FBXO11: variants seen among roughly 807,000 people sequenced by gnomAD.
FBXO11 encodes F-box protein 11, also known as F-box only protein 11.
FBXO11 carries 13 observed loss-of-function variants against 117.0 expected under a neutral mutation model. The ratio of observed to expected loss-of-function variants is 0.11; its 90% CI spans 0.07 to 0.18. The LOEUF is 0.18. FBXO11 is among the 10% of genes least tolerant of loss of function. FBXO11 has a pLI of 1.00. For synonymous variants in FBXO11, 490 were observed against 380.5 expected (o/e 1.29, Z -3.35); for missense variants, 767 against 1,164.4 (o/e 0.66, Z 4.97).
intron 1 of FBXO11, among the ~76,000 whole-genome samples, chr2:47,868,420 G>GA (rs1675363108): frequency 6.6e-6 from 1 of 151,850 alleles, no homozygotes; most frequent in Non-Finnish European, 1.5e-5. Flanking sequence ...TCACTGTCAT[G>GA]AATGCTTGCT....
chr2:47,866,133 C>T (rs1675175779), intron 1 of FBXO11, among the ~76,000 whole-genome samples: 1 of 150,938 alleles, frequency 6.6e-6, no homozygotes, highest in African/African-American at 2.4e-5. Context: ...ACTGTAGCAG[C>T]TACTTGAAAG....
intron 1 of FBXO11, chr2:47,888,723 G>GT (rs1677048044): frequency 1.1e-6 from 1 of 946,490 alleles, no homozygotes; most frequent in Non-Finnish European, 1.3e-6. Flanking sequence ...CTATGATACA[G>GT]TATCATGTGT....
intron 1 of FBXO11, among the ~76,000 whole-genome samples, chr2:47,866,807 A>G (rs1347926278): frequency 6.6e-6 from 1 of 152,138 alleles, no homozygotes; most frequent in Admixed American, 6.5e-5. Flanking sequence ...TTTCAGCTGC[A>G]TGTCACTTTG....
At position 47,823,253 on chromosome 2, in the gene FBXO11, A is replaced by T; in HGVS notation, c.1506T>A (p.Thr502=). The T allele has an allele frequency of 1.2e-6, 2 of 1,613,952 alleles. No individual in the cohort carries two copies. The highest frequency in any genetic ancestry group is 1.7e-6 in the Non-Finnish European group (2 of 1,179,882). Residue 502 remains threonine (T), a synonymous_variant, in exon 12 of 23, where the codon ACT becomes ACA. Coordinates refer to ENST00000403359, the MANE Select transcript of FBXO11 (RefSeq NM_001190274.2). ...VVRCEIHHGQ[T]GGIYVHEKGR... ...CTTTTTCATGGACATATATTCCTCC[A>T]GTCTGCCCATGGTGAATTTCACATC...
chr2:47,846,670 A>C (rs1168694408), intron 1 of FBXO11, among the ~76,000 whole-genome samples: 2 of 152,172 alleles, frequency 1.3e-5, no homozygotes, highest in African/African-American at 2.4e-5. Flanking sequence ...CAATCCACAT[A>C]TGTAATTTAG....
intron 1 of FBXO11, among the ~76,000 whole-genome samples, chr2:47,887,285 C>CA (rs1201052595): frequency 2.2e-3 from 123 of 57,180 alleles, no homozygotes; most frequent in African/African-American, 5.8e-3. Context: ...AACTCCGTTT[C>CA]AAAAAAAAAA....
At chr2:47,814,532 C>G (rs1670877335) in intron 16 of FBXO11, among the ~76,000 whole-genome samples, 1 of 152,060 alleles carries the variant, frequency 6.6e-6, no homozygotes, top group Admixed American at 6.6e-5. Flanking sequence ...GTGCACACCA[C>G]CATGCCCAGT....
At chr2:47,835,646 C>CAT (rs1558426680) in intron 5 of FBXO11, among the ~76,000 whole-genome samples, 2 of 151,980 alleles carry the variant, frequency 1.3e-5, no homozygotes, top group East Asian at 3.9e-4. Flanking sequence ...TACAGGTGTG[C>CAT]GCCACCATGT....
chr2:47,863,380 C>T (rs1170885895), intron 1 of FBXO11, among the ~76,000 whole-genome samples: 35 of 152,168 alleles, frequency 2.3e-4, no homozygotes, highest in Admixed American at 2.3e-3. Flanking sequence ...TTAATGTCTA[C>T]AAGTGCTCTT....
Position 47,809,659 on chromosome 2 carries a change from A to C in FBXO11, c.2387T>G (p.Ile796Ser). 1 of 1,613,684 alleles carries C rather than the reference A, an allele frequency of 6.2e-7. No homozygotes were observed. Among genetic ancestry groups the C allele is most frequent in the Non-Finnish European group, 8.5e-7 (1 of 1,179,852 alleles). The change falls in exon 20 of 23, where the codon ATT becomes AGT. Residue 796 changes from isoleucine (I) to serine (S), a missense_variant. Coordinates refer to ENST00000403359, the MANE Select transcript of FBXO11 (RefSeq NM_001190274.2). ...TAAGCCTCCAAACCGGTTGTTAAAA[A>C]TCTGATTGCCTTCTAGTGTTGCAGT... ...HATATLEGNQ[I>S]FNNRFGGLFL...
intron 1 of FBXO11, among the ~76,000 whole-genome samples, chr2:47,899,613 T>C (rs530172548): frequency 1.3e-5 from 2 of 152,278 alleles, no homozygotes; most frequent in Admixed American, 1.3e-4. Flanking sequence ...CTAGCTAGCT[T>C]TAACTCTGAG....
intron 7 of FBXO11, among the ~76,000 whole-genome samples, chr2:47,833,735 C>T (rs1292810428): frequency 6.6e-6 from 1 of 152,114 alleles, no homozygotes; most frequent in Non-Finnish European, 1.5e-5. Flanking sequence ...CCTTTAAAAA[C>T]ATAGCAATAG....
At chr2:47,901,979 G>A (rs1017488300) in intron 1 of FBXO11, among the ~76,000 whole-genome samples, 1 of 151,870 alleles carries the variant, frequency 6.6e-6, no homozygotes, top group African/African-American at 2.4e-5. Flanking sequence ...TGTGTCACCT[G>A]GGCTGGAGTG....
rs534233338 is a variant in FBXO11 at position 47,807,077 on chromosome 2, C to T, written c.*1041G>A. On this transcript the variant is annotated 3_prime_UTR_variant, in exon 23 of 23. Transcript: ENST00000403359. Reference sequence around the variant, plus strand: ...ATGTTATGGTACATGCATACACTTTCAGGCTGTTTTATACCCACTGTCACC... The same window carrying T: ...ATGTTATGGTACATGCATACACTTTTAGGCTGTTTTATACCCACTGTCACC... 1 of 549,742 alleles carries T rather than the reference C, an allele frequency of 1.8e-6. No individual in the cohort carries two copies. The highest frequency in any genetic ancestry group is 1.9e-5 in the African/African-American group (1 of 52,858). The allele number at this position is 549,742 out of a possible 1,614,324, so 34.1% of individuals were successfully genotyped here.
intron 1 of FBXO11, among the ~76,000 whole-genome samples, chr2:47,864,912 C>CT (rs1225185552): frequency 1.3e-5 from 2 of 152,208 alleles, no homozygotes; most frequent in African/African-American, 4.8e-5. Flanking sequence ...GCCAACAATA[C>CT]TTTAAGTAAA....
intron 11 of FBXO11, among the ~76,000 whole-genome samples, chr2:47,825,791 G>A (rs1671709428): frequency 6.6e-6 from 1 of 151,852 alleles, no homozygotes; most frequent in Non-Finnish European, 1.5e-5. Flanking sequence ...CGCCCAGGCT[G>A]GTCTCAAACT....
chr2:47,838,086 A>T (rs1246427051), intron 4 of FBXO11, among the ~76,000 whole-genome samples: 1 of 143,908 alleles, frequency 6.9e-6, no homozygotes, highest in Non-Finnish European at 1.5e-5. Context: ...AAAAAAAATT[A>T]GCTGGGCATG....
At chr2:47,816,723 G>C (rs913774293) in intron 16 of FBXO11, among the ~76,000 whole-genome samples, 1 of 152,040 alleles carries the variant, frequency 6.6e-6, no homozygotes, top group Admixed American at 6.6e-5. Context: ...AGAATTCTTG[G>C]GTTACTGGGT....
intron 1 of FBXO11, chr2:47,888,804 G>C (rs1677054346): frequency 1.4e-5 from 3 of 218,662 alleles, no homozygotes; most frequent in Non-Finnish European, 2.3e-5. Context: ...TGCTATATTT[G>C]GTTCTAGCTA....
Sources: allele counts gnomAD v4.1 joint callset (sites outside exome capture counted in the v4.1 genomes callset), GRCh38; gene constraint gnomAD v4.1.1; transcripts MANE v1.5; gene names NCBI Gene and HGNC (gene_info 2026-07-23, HGNC 2026-07-21).